PTPRD: variants seen among roughly 807,000 people sequenced by gnomAD.
PTPRD encodes the protein protein tyrosine phosphatase receptor type D.
PTPRD carries 34 observed loss-of-function variants against 214.5 expected under a neutral mutation model. That is an observed-to-expected ratio of 0.16 (90% CI 0.12 to 0.21). The LOEUF (loss-of-function observed/expected upper bound fraction) is 0.21. Among genes scored for constraint, PTPRD ranks in the 10% least tolerant of loss-of-function variants. The pLI is 1.00. For missense variants in PTPRD, 2,545 were observed against 2,398.7 expected (o/e 1.06, Z -1.27); for synonymous variants, 1,128 against 845.7 (o/e 1.33, Z -5.79).
chr9:8,919,895 T>C (rs542959716), intron 11 of PTPRD, among the ~76,000 whole-genome samples: 11 of 151,902 alleles, frequency 7.2e-5, no homozygotes, highest in African/African-American at 9.7e-5. Flanking sequence ...TACATAGATG[T>C]ACATGCATGT....
At chr9:8,604,381 G>A (rs574308967) in intron 14 of PTPRD, among the ~76,000 whole-genome samples, 1 of 152,208 alleles carries the variant, frequency 6.6e-6, no homozygotes, top group South Asian at 2.1e-4. Flanking sequence ...TCACAGATAG[G>A]GTGGGAAAGG....
At chr9:8,363,287 G>T (rs1341487342) in intron 39 of PTPRD, among the ~76,000 whole-genome samples, 2 of 152,144 alleles carry the variant, frequency 1.3e-5, no homozygotes, top group African/African-American at 4.8e-5. Flanking sequence ...CAAATAATCT[G>T]TATTTAGACA....
intron 14 of PTPRD, among the ~76,000 whole-genome samples, chr9:8,611,191 A>T (rs2095432496): frequency 6.6e-6 from 1 of 152,244 alleles, no homozygotes; most frequent in African/African-American, 2.4e-5. Flanking sequence ...GTAAGAAAAT[A>T]ACCAAAAAGC....
At chr9:9,825,319 A>G (rs1184523465) in intron 5 of PTPRD, among the ~76,000 whole-genome samples, 4 of 151,824 alleles carry the variant, frequency 2.6e-5, no homozygotes, top group African/African-American at 9.7e-5. Flanking sequence ...AGAAAGAGAA[A>G]GAAAGAGAGA....
At chr9:8,759,219 A>G (rs1405812616) in intron 11 of PTPRD, among the ~76,000 whole-genome samples, 1 of 151,882 alleles carries the variant, frequency 6.6e-6, no homozygotes, top group African/African-American at 2.4e-5. Context: ...ATAAGGTTTA[A>G]CTTTTTTATT....
At chr9:10,040,229 A>C (rs1248573516) in intron 3 of PTPRD, among the ~76,000 whole-genome samples, 1 of 152,078 alleles carries the variant, frequency 6.6e-6, no homozygotes, top group African/African-American at 2.4e-5. Flanking sequence ...CAGAGAACCC[A>C]AAAGTCTTCC....
chr9:8,702,257 A>G (rs1248577498), intron 12 of PTPRD, among the ~76,000 whole-genome samples: 3 of 139,608 alleles, frequency 2.1e-5, no homozygotes, highest in Non-Finnish European at 4.6e-5. Context: ...TAGTGTGTAA[A>G]GTAAAAAAAA....
At chr9:8,912,636 C>T (rs923203000) in intron 11 of PTPRD, among the ~76,000 whole-genome samples, 1 of 151,940 alleles carries the variant, frequency 6.6e-6, no homozygotes, top group African/African-American at 2.4e-5. Flanking sequence ...GTGAATTATA[C>T]CCCTATAAAG....
At chr9:8,584,190 T>C (rs1256527325) in intron 14 of PTPRD, among the ~76,000 whole-genome samples, 1 of 152,042 alleles carries the variant, frequency 6.6e-6, no homozygotes, top group Admixed American at 6.6e-5. Context: ...AAAATAAAAA[T>C]AAATAAGAAG....
At chr9:8,357,114 C>A (rs184864266) in intron 39 of PTPRD, among the ~76,000 whole-genome samples, 1 of 152,280 alleles carries the variant, frequency 6.6e-6, no homozygotes, top group East Asian at 1.9e-4. Flanking sequence ...CCTTCCATAA[C>A]TGACAAAGTC....
chr9:9,683,903 T>C (rs1399253042), intron 7 of PTPRD, among the ~76,000 whole-genome samples: 1 of 151,726 alleles, frequency 6.6e-6, no homozygotes, highest in East Asian at 1.9e-4. Flanking sequence ...AATTTTATAG[T>C]AATTATATGA....
intron 14 of PTPRD, among the ~76,000 whole-genome samples, chr9:8,548,409 C>T (rs2080942998): frequency 6.6e-6 from 1 of 151,992 alleles, no homozygotes; most frequent in Admixed American, 6.6e-5. Context: ...ACTCTGTCAC[C>T]CAGGCTGTAC....
At chr9:9,207,274 T>C (rs141332851) in intron 9 of PTPRD, among the ~76,000 whole-genome samples, 40 of 152,254 alleles carry the variant, frequency 2.6e-4, no homozygotes, top group African/African-American at 9.1e-4. Flanking sequence ...AGATATTTAA[T>C]AGACAACCGC....
At chr9:9,533,036 C>T (rs560227466) in intron 8 of PTPRD, among the ~76,000 whole-genome samples, 2 of 152,178 alleles carry the variant, frequency 1.3e-5, no homozygotes, top group South Asian at 2.1e-4. Flanking sequence ...ACATCCTTGG[C>T]TTTTTTATGG....
At chr9:9,283,612 C>A (rs891247739) in intron 9 of PTPRD, among the ~76,000 whole-genome samples, 3 of 151,404 alleles carry the variant, frequency 2.0e-5, no homozygotes, top group African/African-American at 7.3e-5. Flanking sequence ...CTGCAGCTGC[C>A]TTTTCCTCAT....
intron 5 of PTPRD, among the ~76,000 whole-genome samples, chr9:9,830,165 G>T (rs2054337268): frequency 1.3e-5 from 2 of 151,160 alleles, no homozygotes; most frequent in Non-Finnish European, 3.0e-5. Flanking sequence ...TATTTGTGTG[G>T]CTTTTGTGAA....
At chr9:9,335,835 A>T (rs1471371107) in intron 9 of PTPRD, among the ~76,000 whole-genome samples, 7 of 152,146 alleles carry the variant, frequency 4.6e-5, no homozygotes, top group Non-Finnish European at 1.0e-4. Context: ...TTGGACTTTC[A>T]ACTTTTGCAA....
chr9:8,330,328 G>T (rs879027232), intron 44 of PTPRD, among the ~76,000 whole-genome samples: 1 of 152,004 alleles, frequency 6.6e-6, no homozygotes, highest in Non-Finnish European at 1.5e-5. Context: ...TCCAGCTCTT[G>T]TAAGTACATT....
At chr9:10,034,940 GGTAATAGGATTGCTA>G (rs932064803) in intron 3 of PTPRD, among the ~76,000 whole-genome samples, 85 of 151,770 alleles carry the variant, frequency 5.6e-4, no homozygotes, top group African/African-American at 1.6e-3. Flanking sequence ...TTGAGTATAT[GGTAATAGGATTGCTA>G]GTAATAGGAT....
Sources: allele counts gnomAD v4.1 joint callset (sites outside exome capture counted in the v4.1 genomes callset), GRCh38; gene constraint gnomAD v4.1.1; transcripts MANE v1.5; gene names NCBI Gene and HGNC (gene_info 2026-07-23, HGNC 2026-07-21).